ADGRL2: variants seen among roughly 807,000 people sequenced by gnomAD.
ADGRL2 encodes the protein adhesion G protein-coupled receptor L2.
ADGRL2 carries 44 observed loss-of-function variants against 157.4 expected under a neutral mutation model. That is an observed-to-expected ratio of 0.28 (90% confidence interval 0.22 to 0.36). ADGRL2 has a LOEUF of 0.36. ADGRL2 is among the 10% of genes least tolerant of loss of function. The pLI is 1.00. For synonymous variants in ADGRL2, 585 were observed against 624.7 expected, an observed-to-expected ratio of 0.94 and a Z score of 0.95; for missense variants, 1,510 against 1,768.9, an observed-to-expected ratio of 0.85 and a Z score of 2.63.
chr1:81,493,406 C>T (rs1377396098), intron 2 of ADGRL2, among the ~76,000 whole-genome samples: 1 of 152,196 alleles, frequency 6.6e-6, no homozygotes, highest in African/African-American at 2.4e-5. Context: ...GGCTACCTGC[C>T]TATCTTTAAT....
At chr1:81,610,580 G>A (rs1288572548) in intron 3 of ADGRL2, among the ~76,000 whole-genome samples, 2 of 152,158 alleles carry the variant, frequency 1.3e-5, no homozygotes, top group Admixed American at 6.5e-5. Flanking sequence ...TTTTTAGTAA[G>A]GGAGCAACAT....
At position 81,364,108 on chromosome 1, in the gene ADGRL2, C is replaced by T. The variant is rs192312413; in HGVS notation, c.-302+57599C>T. Among the ~76,000 whole-genome samples, 101 of 152,150 alleles carry T rather than the reference C, an allele frequency of 6.6e-4. 1 individual carries two copies. The highest frequency in any genetic ancestry group is 2.4e-3 in the African/African-American group (100 of 41,536). On this transcript the variant is annotated intron_variant, in intron 1 of 24. Transcript: ENST00000370721. ...CCCAACACTTGCATTTGCCCCACTC[C>T]CCCTTACCCCCACTCTAAAATTCAA...
At chr1:81,931,050 G>C (rs1161792703) in intron 3 of ADGRL2, among the ~76,000 whole-genome samples, 5 of 152,230 alleles carry the variant, frequency 3.3e-5, no homozygotes, top group Non-Finnish European at 7.3e-5. Context: ...TCAGGAGGCT[G>C]AGGCAGGAGA....
chr1:81,414,073 A>G (rs1197240093), intron 1 of ADGRL2: 1 of 152,234 alleles, frequency 6.6e-6, no homozygotes, highest in East Asian at 1.9e-4. Context: ...GGGTTACCAA[A>G]GCATTCTTTA....
At chr1:81,845,830 G>C (rs941276978) in intron 2 of ADGRL2, among the ~76,000 whole-genome samples, 1 of 151,290 alleles carries the variant, frequency 6.6e-6, no homozygotes, top group Non-Finnish European at 1.5e-5. Flanking sequence ...AACACTAATC[G>C]CAGGTTTAAC....
At chr1:81,383,953 C>CA (rs577073531) in intron 1 of ADGRL2, among the ~76,000 whole-genome samples, 8,355 of 83,510 alleles carry the variant, frequency 0.1, 380 homozygotes, top group South Asian at 0.14. Flanking sequence ...GACTCTGTCT[C>CA]AAAAAAAAAA....
rs2085147167 is a variant in ADGRL2 at position 81,743,563 on chromosome 1, A to G, written c.-142-18248A>G. 2.0e-5 allele frequency among the ~76,000 whole-genome samples: 3 copies of G among 152,058 alleles called. No homozygotes were observed. The South Asian group carries it at 6.2e-4, about 31-fold the overall frequency. ...AATTATTATTAGAAGAATAAAAAAG[A>G]CTACTACTGGCAAACCTAAGTGCAT... On this transcript the variant is annotated intron_variant, in intron 1 of 20. Transcript: ENST00000359929.
At chr1:81,859,564 G>T (rs1047032677) in intron 2 of ADGRL2, among the ~76,000 whole-genome samples, 1 of 151,672 alleles carries the variant, frequency 6.6e-6, no homozygotes, top group Middle Eastern at 3.2e-3. Flanking sequence ...GCACCACCAC[G>T]CTCGGCTAAT....
intron 1 of ADGRL2, among the ~76,000 whole-genome samples, chr1:81,385,796 T>A (rs1218565181): frequency 6.6e-6 from 1 of 152,054 alleles, no homozygotes; most frequent in Admixed American, 6.6e-5. Flanking sequence ...AGAAGAATCC[T>A]TGGAAGAAAA....
chr1:81,559,673 A>G (rs1396827105), intron 2 of ADGRL2, among the ~76,000 whole-genome samples: 1 of 152,204 alleles, frequency 6.6e-6, no homozygotes, highest in South Asian at 2.1e-4. Flanking sequence ...TCTGTCAAGA[A>G]AACTCAAAAA....
intron 3 of ADGRL2, among the ~76,000 whole-genome samples, chr1:81,608,615 C>T (rs957201259): frequency 1.3e-5 from 2 of 152,006 alleles, no homozygotes; most frequent in African/African-American, 4.8e-5. Context: ...GTTTAAGTAT[C>T]CCTTACTCAT....
chr1:81,807,293 C>T (rs1340318222), intron 1 of ADGRL2, among the ~76,000 whole-genome samples: 1 of 151,796 alleles, frequency 6.6e-6, no homozygotes, highest in Admixed American at 6.6e-5. Context: ...TTTATATTTC[C>T]AAGATAGATT....
chr1:81,424,661 A>G (rs1311934913), intron 1 of ADGRL2, among the ~76,000 whole-genome samples: 1 of 152,240 alleles, frequency 6.6e-6, no homozygotes, highest in Non-Finnish European at 1.5e-5. Context: ...TTCATGATAG[A>G]CAATCCTAAG....
At chr1:81,347,525 A>G (rs1227853851) in intron 1 of ADGRL2, among the ~76,000 whole-genome samples, 1 of 152,212 alleles carries the variant, frequency 6.6e-6, no homozygotes, top group East Asian at 1.9e-4. Context: ...ATTTTGTGGT[A>G]GAACTTGCAA....
intron 3 of ADGRL2, among the ~76,000 whole-genome samples, chr1:81,602,445 T>G (rs2081351069): frequency 6.6e-6 from 1 of 151,552 alleles, no homozygotes; most frequent in Non-Finnish European, 1.5e-5. Context: ...ATACAAAAAA[T>G]AGCCCGGCGT....
At chr1:81,907,265 A>G (rs2148313251) in intron 3 of ADGRL2, 35 bp downstream of exon 3, 1 of 1,546,250 alleles carries the variant, frequency 6.5e-7, no homozygotes, top group Non-Finnish European at 8.9e-7. Flanking sequence ...CATTTGAGCT[A>G]TTGTATCCAA....
intron 1 of ADGRL2, among the ~76,000 whole-genome samples, chr1:81,738,654 T>G (rs777216070): frequency 6.6e-6 from 1 of 152,234 alleles, no homozygotes; most frequent in Non-Finnish European, 1.5e-5. Flanking sequence ...TTTTCTGTTA[T>G]GCATTGGCCA....
chr1:81,779,703 C>G (rs1366868838), intron 2 of ADGRL2, among the ~76,000 whole-genome samples: 1 of 152,194 alleles, frequency 6.6e-6, no homozygotes, highest in East Asian at 1.9e-4. Context: ...TTTTCTTGCT[C>G]ATTAGAATCA....
At chr1:81,713,792 C>T (rs1369700654) in intron 1 of ADGRL2, among the ~76,000 whole-genome samples, 3 of 152,186 alleles carry the variant, frequency 2.0e-5, no homozygotes, top group Non-Finnish European at 2.9e-5. Flanking sequence ...CCCTGAGGGG[C>T]TTGTCTCAAA....
Sources: allele counts gnomAD v4.1 joint callset (sites outside exome capture counted in the v4.1 genomes callset), GRCh38; gene constraint gnomAD v4.1.1; transcripts MANE v1.5; gene names NCBI Gene and HGNC (gene_info 2026-07-23, HGNC 2026-07-21).